Variants in KCNN2 observed in about 807,000 individuals in gnomAD.
The protein encoded by KCNN2 is potassium calcium-activated channel subfamily N member 2.
In KCNN2, 24 loss-of-function variants were observed where a neutral mutation model predicts 55.5. The observed-to-expected ratio is 0.43, with a 90% CI of 0.31 to 0.61. KCNN2 has a LOEUF of 0.61. Among genes scored for constraint, KCNN2 ranks in the 20% least tolerant of loss-of-function variants. KCNN2 has a pLI of 0.08. For synonymous variants in KCNN2, 431 were observed against 336.1 expected (o/e 1.28, Z -3.09); for missense variants, 754 against 853.6 (o/e 0.88, Z 1.45).
At chr5:114,429,300 T>C (rs1260932849) in intron 3 of KCNN2, among the ~76,000 whole-genome samples, 1 of 152,104 alleles carries the variant, frequency 6.6e-6, no homozygotes, top group Non-Finnish European at 1.5e-5. Context: ...TCTATTAGAA[T>C]GGCCAAAATC....
chr5:114,373,111 A>C (rs1386070800), intron 2 of KCNN2, among the ~76,000 whole-genome samples: 2 of 152,040 alleles, frequency 1.3e-5, no homozygotes, highest in African/African-American at 4.8e-5. Flanking sequence ...CTTTCAAACC[A>C]CTTTATTAAA....
intron 1 of KCNN2, among the ~76,000 whole-genome samples, chr5:114,164,925 C>G (rs184966314): frequency 6.6e-6 from 1 of 152,008 alleles, no homozygotes; most frequent in Non-Finnish European, 1.5e-5. Context: ...GTTTTTTGCA[C>G]GTAATAATTA....
intron 6 of KCNN2, chr5:114,490,753 A>T (rs1561417828): frequency 5.0e-6 from 2 of 398,012 alleles, no homozygotes; most frequent in African/African-American, 4.1e-5. Flanking sequence ...TACTGGCTGC[A>T]TGCACCCAGC....
intron 3 of KCNN2, among the ~76,000 whole-genome samples, chr5:114,456,201 T>C (rs990459213): frequency 4.6e-5 from 7 of 152,230 alleles, no homozygotes; most frequent in Non-Finnish European, 1.0e-4. Context: ...TAGGTACTAA[T>C]GCTGCTGGTG....
At chr5:114,255,378 G>A (rs1182980095) in intron 2 of KCNN2, among the ~76,000 whole-genome samples, 2 of 152,186 alleles carry the variant, frequency 1.3e-5, no homozygotes, top group African/African-American at 2.4e-5. Flanking sequence ...TTTTCCAGAC[G>A]GATGAGGTGC....
intron 2 of KCNN2, among the ~76,000 whole-genome samples, chr5:114,303,844 GTTA>G (rs1426797873): frequency 1.3e-5 from 2 of 152,098 alleles, no homozygotes; most frequent in African/African-American, 2.4e-5. Flanking sequence ...AAGTTTGGAA[GTTA>G]TTATAGAGTA....
intron 1 of KCNN2, among the ~76,000 whole-genome samples, chr5:114,204,126 G>A (rs1753725075): frequency 6.6e-6 from 1 of 151,996 alleles, no homozygotes; most frequent in Non-Finnish European, 1.5e-5. Context: ...TCCGGACTCA[G>A]TGCTTTTGCA....
chr5:114,402,485 G>A (rs1758813810), intron 2 of KCNN2, among the ~76,000 whole-genome samples: 1 of 152,184 alleles, frequency 6.6e-6, no homozygotes, highest in Non-Finnish European at 1.5e-5. Flanking sequence ...AGAGGCACAG[G>A]AACTAGACTA....
At chr5:114,417,738 ATTAGG>A (rs1759351353) in intron 3 of KCNN2, among the ~76,000 whole-genome samples, 3 of 152,170 alleles carry the variant, frequency 2.0e-5, no homozygotes. Context: ...TCTGGCTCTG[ATTAGG>A]TTAGGAGATG....
intron 1 of KCNN2, among the ~76,000 whole-genome samples, chr5:114,173,216 C>T (rs1288233657): frequency 6.6e-6 from 1 of 151,872 alleles, no homozygotes; most frequent in Non-Finnish European, 1.5e-5. Context: ...TTGTTGGCAC[C>T]TTTGTAAAAA....
rs186670289 is a variant in KCNN2 at position 114,355,215 on chromosome 5, T to G, written c.-184-5730T>G. On this transcript the variant is annotated intron_variant, in intron 2 of 10. Transcript: ENST00000512097. The stretch of plus-strand genomic sequence containing the variant: ...AGAGTAGTAGATTTTCTGAGCCTGT[T>G]TGGCAAGAGGTAGATAAGAATAAGG... 2.2e-3 allele frequency among the ~76,000 whole-genome samples: 332 copies of G among 152,278 alleles called. 4 individuals are homozygous for G. Among genetic ancestry groups the G allele is most frequent in the Non-Finnish European group, 3.2e-3 (221 of 68,012 alleles).
chr5:114,280,340 A>G (rs1011237188), intron 2 of KCNN2, among the ~76,000 whole-genome samples: 5 of 152,138 alleles, frequency 3.3e-5, no homozygotes, highest in African/African-American at 1.2e-4. Flanking sequence ...TTTTGTTGCC[A>G]TTGCATTTGG....
chr5:114,190,202 T>C (rs1293994205), intron 1 of KCNN2, among the ~76,000 whole-genome samples: 1 of 152,042 alleles, frequency 6.6e-6, no homozygotes, highest in East Asian at 1.9e-4. Context: ...AAGCTGAAGA[T>C]GTGCATACCT....
chr5:114,219,771 C>T (rs1580631199), intron 1 of KCNN2, among the ~76,000 whole-genome samples: 1 of 152,152 alleles, frequency 6.6e-6, no homozygotes, highest in Non-Finnish European at 1.5e-5. Context: ...CCTAGAATTT[C>T]TCTGCCCTTG....
intron 1 of KCNN2, among the ~76,000 whole-genome samples, chr5:114,144,964 C>T (rs1752367884): frequency 6.6e-6 from 1 of 152,056 alleles, no homozygotes; most frequent in South Asian, 2.1e-4. Flanking sequence ...TAGTGTAAAT[C>T]AATCTGTTGT....
chr5:114,163,314 C>T (rs1296689928), intron 1 of KCNN2, among the ~76,000 whole-genome samples: 2 of 152,176 alleles, frequency 1.3e-5, no homozygotes, highest in Admixed American at 6.5e-5. Context: ...CTGGCCGGAA[C>T]TTCCAATACT....
chr5:114,220,318 T>C (rs1754106854), intron 1 of KCNN2, among the ~76,000 whole-genome samples: 1 of 152,072 alleles, frequency 6.6e-6, no homozygotes, highest in Non-Finnish European at 1.5e-5. Flanking sequence ...GGAAAAAATA[T>C]TTAAAAACAT....
intron 2 of KCNN2, among the ~76,000 whole-genome samples, chr5:114,256,225 GTA>G (rs1266662196): frequency 5.3e-5 from 8 of 151,576 alleles, no homozygotes; most frequent in African/African-American, 1.9e-4. Context: ...GGGTGTGTGT[GTA>G]TATATATATA....
At chr5:114,463,637 C>T (rs1285803195) in intron 4 of KCNN2, among the ~76,000 whole-genome samples, 2 of 152,088 alleles carry the variant, frequency 1.3e-5, no homozygotes, top group African/African-American at 2.4e-5. Context: ...TTGTTGAGTG[C>T]TAGGCACTGG....
Sources: allele counts gnomAD v4.1 joint callset (sites outside exome capture counted in the v4.1 genomes callset), GRCh38; gene constraint gnomAD v4.1.1; transcripts MANE v1.5; gene names NCBI Gene and HGNC (gene_info 2026-07-23, HGNC 2026-07-21).